Variants in SLC25A26 observed in about 807,000 individuals in gnomAD.
SLC25A26 encodes the protein solute carrier family 25 member 26.
Under a neutral mutation model 37.8 loss-of-function variants are expected in SLC25A26, and 36 were observed. The observed-to-expected ratio is 0.95, with a 90% CI of 0.73 to 1.26. SLC25A26 has a LOEUF of 1.26. Ranked by LOEUF, SLC25A26 falls within the 50% of genes most tolerant of loss-of-function variation. The pLI, the probability that SLC25A26 is intolerant of heterozygous loss-of-function variation, is 0.00. For missense variants in SLC25A26, 390 were observed against 331.1 expected, an observed-to-expected ratio of 1.18 and a Z score of -1.38; for synonymous variants, 129 against 122.5, an observed-to-expected ratio of 1.05 and a Z score of -0.35.
intron 1 of SLC25A26, among the ~76,000 whole-genome samples, chr3:66,134,991 G>A (rs538529941): frequency 5.3e-5 from 8 of 151,774 alleles, no homozygotes; most frequent in South Asian, 4.2e-4. Context: ...CCACAATGTC[G>A]GGCTAATTTT....
chr3:66,355,255 A>G (rs1397280201), intron 6 of SLC25A26, among the ~76,000 whole-genome samples: 2 of 152,076 alleles, frequency 1.3e-5, no homozygotes, highest in Admixed American at 1.3e-4. Flanking sequence ...ATTTTCTTAT[A>G]AATTCTTAAT....
At chr3:66,353,021 A>G (rs1241850370) in intron 6 of SLC25A26, among the ~76,000 whole-genome samples, 1 of 152,224 alleles carries the variant, frequency 6.6e-6, no homozygotes, top group African/African-American at 2.4e-5. Context: ...ATGAGCAGAC[A>G]CTGTGTGCCA....
At chr3:66,174,933 G>C (rs2070555721) in intron 1 of SLC25A26, among the ~76,000 whole-genome samples, 1 of 151,570 alleles carries the variant, frequency 6.6e-6, no homozygotes, top group African/African-American at 2.4e-5. Flanking sequence ...CATTAATCCA[G>C]AAAATGAGTA....
intron 1 of SLC25A26, among the ~76,000 whole-genome samples, chr3:66,177,701 G>A (rs1389344524): frequency 6.6e-6 from 1 of 152,244 alleles, no homozygotes; most frequent in Non-Finnish European, 1.5e-5. Context: ...ACCTTAGGTT[G>A]TGGACTCATC....
At chr3:66,296,968 A>C (rs766616417) in intron 5 of SLC25A26, among the ~76,000 whole-genome samples, 2 of 152,208 alleles carry the variant, frequency 1.3e-5, no homozygotes, top group Non-Finnish European at 1.5e-5. Context: ...CCATGTGACA[A>C]GAGTCCAGAT....
chr3:66,184,372 C>A (rs1183056031), intron 1 of SLC25A26, among the ~76,000 whole-genome samples: 2 of 152,028 alleles, frequency 1.3e-5, no homozygotes, highest in South Asian at 4.1e-4. Context: ...CGACCCTGAC[C>A]CAGACCATCA....
intron 1 of SLC25A26, among the ~76,000 whole-genome samples, chr3:66,221,965 G>A (rs528774179): frequency 2.0e-5 from 3 of 151,944 alleles, no homozygotes; most frequent in Non-Finnish European, 2.9e-5. Context: ...GGATAACATG[G>A]TGAACAAGAT....
chr3:66,170,325 A>G (rs956477910), intron 1 of SLC25A26, among the ~76,000 whole-genome samples: 4 of 152,196 alleles, frequency 2.6e-5, no homozygotes, highest in Non-Finnish European at 5.9e-5. Flanking sequence ...TCTAATGTCA[A>G]TCCTGTAGAT....
intron 5 of SLC25A26, among the ~76,000 whole-genome samples, chr3:66,334,422 C>T (rs1180928558): frequency 3.3e-5 from 5 of 152,166 alleles, no homozygotes; most frequent in Non-Finnish European, 5.9e-5. Flanking sequence ...TCCAGTGACT[C>T]TTGTGCCTCA....
intron 9 of SLC25A26, among the ~76,000 whole-genome samples, chr3:66,372,058 T>A (rs1037762587): frequency 2.6e-5 from 4 of 152,052 alleles, no homozygotes; most frequent in South Asian, 2.1e-4. Context: ...GTGCCACTGC[T>A]CTCCAGCCTG....
At chr3:66,271,678 C>T (rs2073963197) in intron 5 of SLC25A26, among the ~76,000 whole-genome samples, 1 of 152,084 alleles carries the variant, frequency 6.6e-6, no homozygotes, top group Non-Finnish European at 1.5e-5. Flanking sequence ...TGAGTCACCC[C>T]ATAGGATCTG....
chr3:66,234,592 T>G (rs2072186342), intron 1 of SLC25A26, among the ~76,000 whole-genome samples: 1 of 152,214 alleles, frequency 6.6e-6, no homozygotes, highest in South Asian at 2.1e-4. Context: ...AAATTAATTT[T>G]TAATAATTAA....
rs553649225 is a variant in SLC25A26 at position 66,268,843 on chromosome 3, A to G, written c.453+5464A>G. Among the ~76,000 whole-genome samples, 14 of 152,302 alleles carry G rather than the reference A, an allele frequency of 9.2e-5. 1 individual carries two copies. In the South Asian group the frequency reaches 2.7e-3, roughly 29 times the overall value. On this transcript the variant is annotated intron_variant, in intron 5 of 9. Coordinates refer to ENST00000354883, the MANE Select transcript of SLC25A26 (RefSeq NM_001379210.1). ...AGCTGATGGTTTTAAAAGTGTTTGCAGTTCCCCCTTTGTGCTCTCTCTCTC... is the reference window on the plus strand; with the variant it reads ...AGCTGATGGTTTTAAAAGTGTTTGCGGTTCCCCCTTTGTGCTCTCTCTCTC...
At chr3:66,174,577 G>C (rs372498517) in intron 1 of SLC25A26, among the ~76,000 whole-genome samples, 5 of 152,188 alleles carry the variant, frequency 3.3e-5, no homozygotes, top group African/African-American at 1.2e-4. Flanking sequence ...TCAGGAAATC[G>C]AGACCATCCT....
At chr3:66,255,100 C>A (rs1482603681) in intron 3 of SLC25A26, among the ~76,000 whole-genome samples, 1 of 152,166 alleles carries the variant, frequency 6.6e-6, no homozygotes, top group Non-Finnish European at 1.5e-5. Context: ...GGAATTTTTT[C>A]CCTTTCAAAT....
At chr3:66,257,758 C>G (rs1312768628) in intron 3 of SLC25A26, among the ~76,000 whole-genome samples, 1 of 152,142 alleles carries the variant, frequency 6.6e-6, no homozygotes, top group Admixed American at 6.5e-5. Context: ...ACTCTGAATC[C>G]ATCTCCTAAC....
intron 1 of SLC25A26, among the ~76,000 whole-genome samples, chr3:66,199,880 T>C (rs1204753190): frequency 6.6e-6 from 1 of 152,160 alleles, no homozygotes; most frequent in Non-Finnish European, 1.5e-5. Flanking sequence ...TTGACTCTGA[T>C]TGTGACCTTC....
chr3:66,185,912 C>G (rs927420384), intron 1 of SLC25A26, among the ~76,000 whole-genome samples: 1 of 152,024 alleles, frequency 6.6e-6, no homozygotes, highest in East Asian at 1.9e-4. Context: ...CTCAACTTAA[C>G]CCTTACCTCA....
At chr3:66,281,896 C>A (rs1217900542) in intron 5 of SLC25A26, among the ~76,000 whole-genome samples, 1 of 148,108 alleles carries the variant, frequency 6.8e-6, no homozygotes, top group African/African-American at 2.5e-5. Flanking sequence ...GATCTCAGCT[C>A]ACTGCAACCT....
Sources: allele counts gnomAD v4.1 joint callset (sites outside exome capture counted in the v4.1 genomes callset), GRCh38; gene constraint gnomAD v4.1.1; transcripts MANE v1.5; gene names NCBI Gene and HGNC (gene_info 2026-07-23, HGNC 2026-07-21).